The following STK10 variants were observed in gnomAD, a reference collection of about 807,000 sequenced individuals.
STK10 encodes serine/threonine-protein kinase 10.
In STK10, 78 loss-of-function variants were observed where a neutral mutation model predicts 113.8. That is an observed-to-expected ratio of 0.69 (90% CI 0.57 to 0.83). STK10 has a LOEUF of 0.83. Ranked by LOEUF, STK10 falls within the 40% of genes least tolerant of loss-of-function variation. The probability of loss-of-function intolerance (pLI) is 0.00; values close to 1 mark genes in which losing one functional copy is unlikely to be tolerated. For missense variants in STK10, 1,109 were observed against 1,280.1 expected (o/e 0.87, Z 2.04); for synonymous variants, 465 against 494.7 (o/e 0.94, Z 0.80).
At chr5:172,094,329 T>G (rs1768799183) in intron 8 of STK10, among the ~76,000 whole-genome samples, 1 of 152,092 alleles carries the variant, frequency 6.6e-6, no homozygotes, top group Admixed American at 6.5e-5. Context: ...TGGCCAAACC[T>G]TCCCAGTTTT....
intron 18 of STK10, among the ~76,000 whole-genome samples, chr5:172,048,453 A>ACACACAC (rs58262876): frequency 6.8e-6 from 1 of 146,830 alleles, no homozygotes. Context: ...ACACACACAC[A>ACACACAC]TCCTCTCTCT....
intron 2 of STK10, among the ~76,000 whole-genome samples, chr5:172,153,331 A>T (rs964551055): frequency 6.6e-6 from 1 of 151,878 alleles, no homozygotes; most frequent in Non-Finnish European, 1.5e-5. Context: ...AAAGAAATGT[A>T]AAATGATGCA....
intron 1 of STK10, among the ~76,000 whole-genome samples, chr5:172,186,676 T>C (rs1224040761): frequency 6.6e-6 from 1 of 152,150 alleles, no homozygotes; most frequent in African/African-American, 2.4e-5. Flanking sequence ...TCTAGGGCAG[T>C]ACTTCTCAAA....
intron 4 of STK10, among the ~76,000 whole-genome samples, chr5:172,115,606 C>A (rs1769365627): frequency 6.6e-6 from 1 of 152,176 alleles, no homozygotes; most frequent in Non-Finnish European, 1.5e-5. Context: ...GGGTTTTTAT[C>A]ATTTGCCACT....
chr5:172,101,444 C>T (rs764550777), intron 7 of STK10, among the ~76,000 whole-genome samples: 5 of 149,344 alleles, frequency 3.3e-5, no homozygotes, highest in Admixed American at 1.3e-4. Flanking sequence ...GCACTTCAGC[C>T]TGGCAACAGA....
At chr5:172,075,838 G>GC (rs1157897254) in intron 12 of STK10, among the ~76,000 whole-genome samples, 1 of 152,072 alleles carries the variant, frequency 6.6e-6, no homozygotes, top group African/African-American at 2.4e-5. Context: ...CCTGACAATT[G>GC]CAAGTGCTGG....
intron 1 of STK10, among the ~76,000 whole-genome samples, chr5:172,167,863 T>G (rs1405100412): frequency 6.6e-6 from 1 of 152,120 alleles, no homozygotes; most frequent in Admixed American, 6.5e-5. Flanking sequence ...TCTTCGGAGG[T>G]AAGGGAGCAT....
intron 14 of STK10, among the ~76,000 whole-genome samples, chr5:172,059,347 C>T (rs1272333608): frequency 6.6e-6 from 1 of 151,068 alleles, no homozygotes; most frequent in African/African-American, 2.4e-5. Flanking sequence ...ACTGCTTGAA[C>T]CTGGGAGGTG....
At chr5:172,147,461 G>A (rs562932121) in intron 2 of STK10, among the ~76,000 whole-genome samples, 16 of 151,398 alleles carry the variant, frequency 1.1e-4, no homozygotes, top group Non-Finnish European at 2.2e-4. Flanking sequence ...GCACAATCTC[G>A]GCTCTCTGCA....
chr5:172,096,399 G>C, intron 8 of STK10, 27 bp downstream of exon 8: 1 of 1,607,704 alleles, frequency 6.2e-7, no homozygotes. Flanking sequence ...CCCAGCCCCC[G>C]CTAAGCCCCA....
At chr5:172,155,271 G>A (rs1380385292) in intron 2 of STK10, among the ~76,000 whole-genome samples, 1 of 152,152 alleles carries the variant, frequency 6.6e-6, no homozygotes, top group East Asian at 1.9e-4. Context: ...GCCGAGGCAG[G>A]TGGATCTCCT....
Position 172,082,993 on chromosome 5 carries a change from G to C in STK10, c.1777C>G (p.Gln593Glu), listed in dbSNP as rs1368649219. The C allele has an allele frequency of 1.2e-6, 2 of 1,613,824 alleles. No individual in the cohort carries two copies. The highest frequency in any genetic ancestry group is 2.7e-5 in the African/African-American group (2 of 74,904). Reference protein sequence around the residue: ...LSNKHELQLEQMHKRFEQEIN... With the variant: ...LSNKHELQLEEMHKRFEQEIN... ...TCCTGTTCAAAACGTTTATGCATTTGCTCCAGCTGCAGCTCATGCTTGTTA... is the reference window on the plus strand; with the variant it reads ...TCCTGTTCAAAACGTTTATGCATTTCCTCCAGCTGCAGCTCATGCTTGTTA... The change falls in exon 11 of 19, where the codon CAA becomes GAA. Residue 593 changes from glutamine to glutamate, a missense_variant. This residue lies in a region of STK10 where 885 missense variants were observed against 991.1 expected (regional missense o/e 0.89). Coordinates refer to ENST00000176763, the MANE Select transcript of STK10 (RefSeq NM_005990.4). This position sits in a 1 kb window ranked among gnomAD's most constrained non-coding sequence, Gnocchi z 4.3.
intron 7 of STK10, among the ~76,000 whole-genome samples, chr5:172,099,724 T>A (rs1221911229): frequency 6.6e-6 from 1 of 152,118 alleles, no homozygotes; most frequent in Non-Finnish European, 1.5e-5. Flanking sequence ...CACTGCGCAA[T>A]CTAACACAAG....
chr5:172,177,222 C>T (rs1277654216), intron 1 of STK10, among the ~76,000 whole-genome samples: 1 of 151,976 alleles, frequency 6.6e-6, no homozygotes, highest in Non-Finnish European at 1.5e-5. Context: ...TCTGTCCCTC[C>T]CACTATGTGA....
intron 10 of STK10, among the ~76,000 whole-genome samples, 198 bp from the exon 11 acceptor site, chr5:172,083,282 C>A (rs765107605): frequency 4.6e-5 from 7 of 151,922 alleles, no homozygotes; most frequent in Non-Finnish European, 8.8e-5. Context: ...ATAAAGAGTG[C>A]TTACAAATCA....
chr5:172,056,917 AGAAG>A (rs1157683377), intron 15 of STK10: 167 of 150,564 alleles, frequency 1.1e-3, no homozygotes, highest in Middle Eastern at 0.01. Flanking sequence ...AAAGAAAGAA[AGAAG>A]GAAGGAAGGA....
intron 1 of STK10, among the ~76,000 whole-genome samples, chr5:172,164,869 C>T (rs1770538294): frequency 6.6e-6 from 1 of 152,236 alleles, no homozygotes; most frequent in African/African-American, 2.4e-5. Flanking sequence ...TTCCGGCGCA[C>T]GATGAGGGGA....
chr5:172,158,129 T>G (rs755063423), intron 1 of STK10, among the ~76,000 whole-genome samples: 2 of 151,946 alleles, frequency 1.3e-5, no homozygotes, highest in South Asian at 2.1e-4. Context: ...AAATAACAAG[T>G]GTTGGTGAGG....
intron 2 of STK10, among the ~76,000 whole-genome samples, chr5:172,129,699 GT>G (rs1313399998): frequency 6.6e-6 from 1 of 152,188 alleles, no homozygotes; most frequent in Non-Finnish European, 1.5e-5. Flanking sequence ...CTGCCTTGTA[GT>G]AATTCTCAGC....
Sources: gnomAD v4.1 joint callset for allele counts (sites outside exome capture counted in the v4.1 genomes callset) on GRCh38, gnomAD v4.1.1 for gene constraint, gnomAD v4.1.1 regional missense constraint, Gnocchi (gnomAD v3.1) non-coding constraint, MANE v1.5 for transcripts, NCBI Gene and HGNC (gene_info 2026-07-23, HGNC 2026-07-21) for gene names.